Variants in CA9 observed in about 807,000 individuals in gnomAD.
CA9 encodes CA-IX.
CA9 carries 43 observed loss-of-function variants against 51.8 expected under a neutral mutation model. The ratio of observed to expected loss-of-function variants is 0.83; its 90% confidence interval spans 0.65 to 1.07. The LOEUF (loss-of-function observed/expected upper bound fraction) is 1.07. Ranked by LOEUF, CA9 falls within the 50% of genes least tolerant of loss-of-function variation. CA9 has a pLI of 0.00. For missense variants in CA9, 574 were observed against 581.4 expected, an observed-to-expected ratio of 0.99 and a Z score of 0.13; for synonymous variants, 253 against 244.2, an observed-to-expected ratio of 1.04 and a Z score of -0.34.
chr9:35,674,166 G>T lies in CA9; in HGVS notation c.207G>T (p.Glu69Asp), dbSNP rs1358065918. Residue 69 changes from glutamate to aspartate, a missense_variant, in exon 1 of 11, where the codon GAG becomes GAT. Physicochemically the swap from Glu to Asp is conservative, Grantham distance 45 (BLOSUM62 2). Coordinates refer to ENST00000378357, the MANE Select transcript of CA9 (RefSeq NM_001216.3). ...PLGEEDLPSE[E>D]DSPREEDPPG... ...GCGAGGAGGATCTGCCCAGTGAAGA[G>T]GATTCACCCAGAGAGGAGGATCCAC... 6.2e-6 allele frequency: 10 copies of T among 1,614,168 alleles called. No homozygotes were observed. The highest frequency in any genetic ancestry group is 8.5e-6 in the Non-Finnish European group (10 of 1,180,010).
At chr9:35,674,511 T>C in intron 1 of CA9, 149 bp downstream of exon 1, 2 of 635,770 alleles carry the variant, frequency 3.1e-6, no homozygotes, top group Non-Finnish European at 5.3e-6. Context: ...AATATCCCCA[T>C]CCCCACTCTC....
At position 35,676,063 on chromosome 9, in the gene CA9, G is replaced by C; in HGVS notation, c.605-1G>C. The C allele has an allele frequency of 6.2e-7, 1 of 1,613,038 alleles. No individual in the cohort carries two copies. The highest frequency in any genetic ancestry group is 8.5e-7 in the Non-Finnish European group (1 of 1,179,758). On this transcript the variant is annotated splice_acceptor_variant, in intron 3 of 10. Transcript: ENST00000378357. LOFTEE classifies it high-confidence loss of function. ...CGGCTCACTTGCCTCTCCCTACGCA[G>C]TGCAACTGACCCTGCCTCCTGGGCT...
intron 10 of CA9, 63 bp downstream of exon 10, chr9:35,680,897 A>G: frequency 1.2e-6 from 2 of 1,608,910 alleles, no homozygotes; most frequent in Non-Finnish European, 1.7e-6. Flanking sequence ...CACTTCATGC[A>G]AAGCGCATGC....
In CA9 at chr9:35,681,011, G is replaced by T; in HGVS notation, c.1366G>T (p.Glu456Ter). 6.2e-7 allele frequency: 1 copy of T among 1,613,950 alleles called. No homozygotes were observed. Reference sequence around the variant, plus strand: ...GAGCTACCGCCCAGCAGAGGTAGCCGAGACTGGAGCCTAGAGGCTGGATCT... The same window carrying T: ...GAGCTACCGCCCAGCAGAGGTAGCCTAGACTGGAGCCTAGAGGCTGGATCT... ...GVSYRPAEVA[E>*]TGA The change falls in exon 11 of 11, where the codon GAG becomes TAG. Residue 456 changes from glutamate (E) to a stop codon, truncating the protein, a stop_gained. Transcript: ENST00000378357. LOFTEE classifies it high-confidence loss of function.
chr9:35,674,550 AAAAT>A (rs1313561912), intron 1 of CA9, 188 bp downstream of exon 1: 1 of 571,860 alleles, frequency 1.7e-6, no homozygotes, highest in Non-Finnish European at 3.0e-6. Context: ...ATGTGGAGAG[AAAAT>A]AAAAAGGGTG....
chr9:35,675,313 T>C, intron 1 of CA9: 1 of 599,424 alleles, frequency 1.7e-6, no homozygotes, highest in Non-Finnish European at 3.0e-6. Context: ...CACTCACTTT[T>C]ACAGACCCTA....
chr9:35,675,462 T>A, intron 1 of CA9, 76 bp from the exon 2 acceptor site: 1 of 1,544,640 alleles, frequency 6.5e-7, no homozygotes, highest in Non-Finnish European at 9.0e-7. Flanking sequence ...GGCATCTGCG[T>A]TTGTGACATC....
In CA9 at chr9:35,679,221, C is replaced by T; in HGVS notation, c.944C>T (p.Ala315Val). 2 of 1,614,200 alleles carry T rather than the reference C, an allele frequency of 1.2e-6. No individual in the cohort carries two copies. The highest frequency in any genetic ancestry group is 1.7e-6 in the Non-Finnish European group (2 of 1,180,044). The change falls in exon 7 of 11, where the codon GCA becomes GTA. Residue 315 changes from alanine (A) to valine (V), a missense_variant. By Grantham distance (64) the Ala-to-Val change is moderately conservative. Coordinates refer to ENST00000378357, the MANE Select transcript of CA9 (RefSeq NM_001216.3). ...ETQVPGLDIS[A>V]LLPSDFSRYF... ...CAGGTCCCAGGACTGGACATATCTG[C>T]ACTCCTGCCCTCTGACTTCAGCCGC...
intron 6 of CA9, among the ~76,000 whole-genome samples, chr9:35,678,254 G>A (rs1365587518): frequency 6.6e-6 from 1 of 151,150 alleles, no homozygotes; most frequent in South Asian, 2.1e-4. Context: ...GCTGAGGCAG[G>A]AGAATGGCAT....
chr9:35,680,702 C>A, intron 9 of CA9, 51 bp from the exon 10 acceptor site: 1 of 1,499,144 alleles, frequency 6.7e-7, no homozygotes, highest in Non-Finnish European at 9.3e-7. Context: ...TTGAGGAACT[C>A]TGCAGACCCC....
chr9:35,678,370 C>T (rs903997004), intron 6 of CA9, among the ~76,000 whole-genome samples: 12 of 143,974 alleles, frequency 8.3e-5, no homozygotes, highest in African/African-American at 3.0e-4. Context: ...AAAAAGAAAA[C>T]CAAGCAAAAA....
intron 6 of CA9, 151 bp downstream of exon 6, chr9:35,678,007 G>A (rs1824457503): frequency 1.4e-6 from 1 of 692,560 alleles, no homozygotes. Flanking sequence ...TAACCATGAA[G>A]CTGACAGACA....
In CA9 at chr9:35,674,139, G is replaced by T. The variant is rs1563921529; in HGVS notation, c.180G>T (p.Leu60=). The T allele has an allele frequency of 1.2e-6, 2 of 1,614,014 alleles. No individual in the cohort carries two copies. Among genetic ancestry groups the T allele is most frequent in the Admixed American group, 3.3e-5 (2 of 60,012 alleles). The stretch of plus-strand genomic sequence containing the variant: ...GCTCTTCTGGGGAAGATGACCCACT[G>T]GGCGAGGAGGATCTGCCCAGTGAAG... ...GGGSSGEDDP[L]GEEDLPSEED... The change falls in exon 1 of 11, where the codon CTG becomes CTT. Residue 60 remains leucine (L), a synonymous_variant. Coordinates refer to ENST00000378357, the MANE Select transcript of CA9 (RefSeq NM_001216.3).
chr9:35,677,904 G>C, intron 6 of CA9, 48 bp downstream of exon 6: 1 of 1,534,972 alleles, frequency 6.5e-7, no homozygotes, highest in Non-Finnish European at 9.0e-7. Context: ...AGTTCATAAA[G>C]AATCACCCTT....
intron 6 of CA9, 76 bp from the exon 7 acceptor site, chr9:35,679,109 G>A (rs754169745): frequency 7.4e-5 from 114 of 1,533,328 alleles, no homozygotes; most frequent in Non-Finnish European, 9.5e-5. Context: ...TCTGGGAGGT[G>A]AAACTGTATC....
chr9:35,678,068 C>T (rs188668769), intron 6 of CA9, among the ~76,000 whole-genome samples: 28 of 152,098 alleles, frequency 1.8e-4, no homozygotes, highest in South Asian at 4.2e-4. Context: ...CAAAAACCGC[C>T]GGGCACGGTG....
intron 6 of CA9, among the ~76,000 whole-genome samples, chr9:35,678,444 G>C (rs1824467205): frequency 6.6e-6 from 1 of 151,776 alleles, no homozygotes; most frequent in African/African-American, 2.4e-5. Context: ...GTCAAGTCTG[G>C]AGAGCTAAAC....
At chr9:35,675,669 G>GC in intron 2 of CA9, 92 bp from the exon 3 acceptor site, 2 of 746,072 alleles carry the variant, frequency 2.7e-6, no homozygotes, top group South Asian at 1.5e-5. Context: ...CCCACCCGCC[G>GC]CCCACCGTCC....
intron 2 of CA9, 70 bp downstream of exon 2, chr9:35,675,637 C>G: frequency 6.3e-7 from 1 of 1,593,326 alleles, no homozygotes; most frequent in Non-Finnish European, 8.6e-7. Flanking sequence ...TACAGCCGTC[C>G]CTGAACACTG....
Sources: gnomAD v4.1 joint callset for allele counts (sites outside exome capture counted in the v4.1 genomes callset) on GRCh38, gnomAD v4.1.1 for gene constraint, MANE v1.5 for transcripts, NCBI Gene and HGNC (gene_info 2026-07-23, HGNC 2026-07-21) for gene names.